The following NOS1 variants were observed in gnomAD, a reference collection of about 807,000 sequenced individuals.
NOS1 encodes the protein NOS type I.
A neutral mutation model predicts 164.5 loss-of-function variants in NOS1; 51 were observed. The observed-to-expected ratio is 0.31, with a 90% CI of 0.25 to 0.39. The LOEUF is 0.39. Among genes scored for constraint, NOS1 ranks in the 10% least tolerant of loss-of-function variants. NOS1 has a pLI of 1.00. For missense variants in NOS1, 1,362 were observed against 1,885.6 expected (o/e 0.72, Z 5.14); for synonymous variants, 719 against 745.8 (o/e 0.96, Z 0.59).
At chr12:117,232,260 C>T (rs928722323) in intron 21 of NOS1, 129 bp from the exon 22 acceptor site, 6 of 729,116 alleles carry the variant, frequency 8.2e-6, no homozygotes, top group Non-Finnish European at 1.1e-5. Context: ...AAGCAACCTT[C>T]TAGCTCTCCA....
At chr12:117,326,422 C>G (rs1875256560) in intron 2 of NOS1, among the ~76,000 whole-genome samples, 3 of 144,116 alleles carry the variant, frequency 2.1e-5, no homozygotes, top group East Asian at 4.2e-4. Context: ...AAAACAAAAA[C>G]AAAAAGAAAT....
chr12:117,358,675 A>G (rs1280906604), intron 1 of NOS1, among the ~76,000 whole-genome samples: 1 of 152,230 alleles, frequency 6.6e-6, no homozygotes, highest in Non-Finnish European at 1.5e-5. Context: ...TTAAGTGATC[A>G]ACCTGAGGTC....
At chr12:117,348,455 T>C (rs552697006) in intron 1 of NOS1, 5 of 152,314 alleles carry the variant, frequency 3.3e-5, no homozygotes, top group African/African-American at 1.2e-4. Flanking sequence ...GAAGATTCCA[T>C]GAAGTAACGT....
chr12:117,259,229 A>G lies in NOS1; in HGVS notation c.2368-99T>C, dbSNP rs550393331. On this transcript the variant is annotated intron_variant, in intron 14 of 28. Coordinates refer to ENST00000317775, the MANE Select transcript of NOS1 (RefSeq NM_000620.5). The stretch of plus-strand genomic sequence containing the variant: ...CAAAAAGTGATGGGGGAAGGGCAAG[A>G]GGAGAGAAAGGAAAAATGTGAGTCA... The G allele has an allele frequency of 3.3e-4, 244 of 735,412 alleles. 1 individual carries two copies. Among genetic ancestry groups the G allele is most frequent in the Non-Finnish European group, 5.4e-4 (230 of 428,326 alleles). 45.6% of individuals were successfully genotyped at this position (735,412 alleles called of 1,614,324 possible).
rs957495006 is a variant in NOS1 at position 117,215,230 on chromosome 12, CA to C, written c.*78del. On this transcript the variant is annotated 3_prime_UTR_variant, in exon 29 of 29. Transcript: ENST00000317775. The stretch of plus-strand genomic sequence containing the variant: ...AGGACAGGAGGCAGAGCGAGGGCCA[CA>C]GGGGGTCCCAGAGGAAAGGTTCAGC... 72 of 1,420,574 alleles carry C rather than the reference CA, an allele frequency of 5.1e-5. No homozygotes were observed. The African/African-American group carries it at 8.9e-4, about 18-fold the overall frequency. The allele number at this position is 1,420,574 out of a possible 1,614,324, so 88.0% of individuals were successfully genotyped here. A position where few individuals can be genotyped will look rare whatever the true frequency, so the allele number is the denominator to read the frequency against.
chr12:117,258,929 G>T, intron 15 of NOS1, 97 bp downstream of exon 15: 2 of 777,804 alleles, frequency 2.6e-6, no homozygotes, highest in Non-Finnish European at 4.3e-6. Flanking sequence ...GGGAGGGTTT[G>T]CTACTGAATA....
chr12:117,253,400 T>A lies in NOS1; in HGVS notation c.2648+238A>T, dbSNP rs554698013. 2.0e-5 allele frequency among the ~76,000 whole-genome samples: 3 copies of A among 152,028 alleles called. No individual in the cohort carries two copies. In the South Asian group the frequency reaches 6.2e-4, roughly 32 times the overall value. ...TGGGGTGAACCTTGGGTAATGGGGCTCTGAGGGAGTGTGTATATGAAAAGA... is the reference window on the plus strand; with the variant it reads ...TGGGGTGAACCTTGGGTAATGGGGCACTGAGGGAGTGTGTATATGAAAAGA... On this transcript the variant is annotated intron_variant, in intron 17 of 28. Transcript: ENST00000317775.
intron 2 of NOS1, among the ~76,000 whole-genome samples, chr12:117,320,557 AATG>A (rs1394262545): frequency 2.6e-5 from 4 of 152,182 alleles, no homozygotes; most frequent in Non-Finnish European, 5.9e-5. Flanking sequence ...AGACCGTCAG[AATG>A]ATAAGGGAAT....
chr12:117,218,761 C>T lies in NOS1; in HGVS notation c.4171-597G>A, dbSNP rs1205583777. 2.6e-5 allele frequency among the ~76,000 whole-genome samples: 4 copies of T among 152,108 alleles called. No homozygotes were observed. The East Asian group carries it at 7.7e-4, about 29-fold the overall frequency. ...TCTCAAGAAACAGCCCAAACGACGA[C>T]TGACTTGTGACATCTGAGAATTTAC... On this transcript the variant is annotated intron_variant, in intron 27 of 28. Transcript: ENST00000317775.
chr12:117,321,830 G>C (rs116934100), intron 2 of NOS1, among the ~76,000 whole-genome samples: 1 of 152,086 alleles, frequency 6.6e-6, no homozygotes, highest in Non-Finnish European at 1.5e-5. Context: ...TCTAACTAGC[G>C]TGAGTCCTCG....
chr12:117,211,346 T>C lies in NOS1; in HGVS notation c.*3963A>G. The C allele has an allele frequency of 1.0e-6, 1 of 985,458 alleles. No homozygotes were observed. Among genetic ancestry groups the C allele is most frequent in the South Asian group, 4.7e-5 (1 of 21,282 alleles). 61.0% of individuals were successfully genotyped at this position (985,458 alleles called of 1,614,324 possible). A position where few individuals can be genotyped will look rare whatever the true frequency, so the allele number is the denominator to read the frequency against. On this transcript the variant is annotated 3_prime_UTR_variant, in exon 29 of 29. Coordinates refer to ENST00000317775, the MANE Select transcript of NOS1 (RefSeq NM_000620.5). ...TGATTCAGTTCCTGGAGTCTCTTTA[T>C]CACTACATCCGCCTCTTCCCTCACT...
In NOS1 at chr12:117,330,895, G is replaced by A. The variant is rs751458129; in HGVS notation, c.175C>T (p.Gln59Ter). 6.2e-7 allele frequency: 1 copy of A among 1,614,176 alleles called. No individual in the cohort carries two copies. Among genetic ancestry groups the A allele is most frequent in the Non-Finnish European group, 8.5e-7 (1 of 1,180,030 alleles). ...ACCGCAAGAATGATGTCTCCGGCCT[G>A]GATGAGGCCACTCTGCTCTGCGGCG... ...GGAAEQSGLIQAGDIILAVNG... is the reference protein window; with the variant it reads ...GGAAEQSGLI Residue 59 changes from glutamine to a stop codon, truncating the protein, a stop_gained, in exon 2 of 29, where the codon CAG becomes TAG. Coordinates refer to ENST00000317775, the MANE Select transcript of NOS1 (RefSeq NM_000620.5). LOFTEE classifies it high-confidence loss of function. The surrounding 1 kb of genome is among the most constrained non-coding windows in gnomAD (Gnocchi z 4.6).
At chr12:117,248,352 C>A (rs1341062839) in intron 17 of NOS1, among the ~76,000 whole-genome samples, 2 of 151,672 alleles carry the variant, frequency 1.3e-5, no homozygotes, top group African/African-American at 4.9e-5. Context: ...CCCTCTCCCC[C>A]CACCCCACAA....
intron 3 of NOS1, 41 bp downstream of exon 3, chr12:117,311,425 G>A: frequency 1.3e-6 from 2 of 1,554,390 alleles, no homozygotes; most frequent in Non-Finnish European, 1.7e-6. Context: ...GGTCGAGAAG[G>A]CGTGGGAAGC....
intron 26 of NOS1, among the ~76,000 whole-genome samples, chr12:117,222,061 G>A (rs577478452): frequency 1.3e-5 from 2 of 152,060 alleles, no homozygotes; most frequent in African/African-American, 4.8e-5. Flanking sequence ...CAGTGTTACG[G>A]GATCATCACT....
chr12:117,280,761 G>A lies in NOS1; in HGVS notation c.1488C>T (p.Ser496=), dbSNP rs1873581166. The A allele has an allele frequency of 6.2e-7, 1 of 1,614,060 alleles. No homozygotes were observed. Among genetic ancestry groups the A allele is most frequent in the South Asian group, 1.1e-5 (1 of 91,086 alleles). Residue 496 remains serine, a synonymous_variant, in exon 8 of 29, where the codon TCC becomes TCT. Transcript: ENST00000317775. ...RYAGYKQPDG[S]TLGDPANVQF... is the part of the protein sequence containing the mutation. The stretch of plus-strand genomic sequence containing the variant: ...GCACATTGGCTGGGTCCCCCAGGGT[G>A]GAGCCGTCAGGCTGCTTGTAGCCAG...
chr12:117,270,455 G>A (rs1030912372), intron 10 of NOS1, among the ~76,000 whole-genome samples: 1 of 151,804 alleles, frequency 6.6e-6, no homozygotes. Context: ...TTCTGCTTGG[G>A]GTCTCTATCA....
chr12:117,265,832 C>T (rs1211652049), intron 11 of NOS1, among the ~76,000 whole-genome samples: 1 of 151,854 alleles, frequency 6.6e-6, no homozygotes, highest in Non-Finnish European at 1.5e-5. Context: ...GCTCTATCAC[C>T]CAGGCTGGAG....
chr12:117,308,750 C>T (rs557946375), intron 3 of NOS1, among the ~76,000 whole-genome samples: 3 of 152,118 alleles, frequency 2.0e-5, no homozygotes, highest in South Asian at 4.2e-4. Flanking sequence ...GCACCCGCCA[C>T]CATGCCCAGC....
Sources: allele counts gnomAD v4.1 joint callset (sites outside exome capture counted in the v4.1 genomes callset), GRCh38; gene constraint gnomAD v4.1.1; non-coding constraint Gnocchi (gnomAD v3.1); transcripts MANE v1.5; gene names NCBI Gene and HGNC (gene_info 2026-07-23, HGNC 2026-07-21).